HMGCLL1: variants seen among roughly 807,000 people sequenced by gnomAD.
HMGCLL1 encodes 3-hydroxymethyl-3-methylglutaryl-CoA lyase, cytoplasmic.
A neutral mutation model predicts 39.1 loss-of-function variants in HMGCLL1; 36 were observed. The observed-to-expected ratio is 0.92, with a 90% CI of 0.71 to 1.22. The LOEUF (loss-of-function observed/expected upper bound fraction) is 1.22, where lower values mean the gene tolerates loss of function less well. Among genes scored for constraint, HMGCLL1 ranks in the 50% most tolerant of loss-of-function variants. The pLI is 0.00. For synonymous variants in HMGCLL1, 149 were observed against 144.0 expected, an observed-to-expected ratio of 1.03 and a Z score of -0.25; for missense variants, 451 against 416.5, an observed-to-expected ratio of 1.08 and a Z score of -0.72.
At chr6:55,542,765 C>T (rs554766461) in intron 1 of HMGCLL1, among the ~76,000 whole-genome samples, 7 of 143,642 alleles carry the variant, frequency 4.9e-5, no homozygotes, top group Admixed American at 7.3e-5. Context: ...GGTGACAGTG[C>T]GGAATTCCAT....
the HMGCLL1 span, among the ~76,000 whole-genome samples, chr6:55,655,882 C>T: frequency 6.6e-6 from 1 of 151,900 alleles, no homozygotes; most frequent in Non-Finnish European, 1.5e-5. Context: ...TTATCCCCTC[C>T]TAATTTAATT....
At chr6:55,482,694 C>T (rs1185763688) in intron 7 of HMGCLL1, among the ~76,000 whole-genome samples, 1 of 151,868 alleles carries the variant, frequency 6.6e-6, no homozygotes, top group Non-Finnish European at 1.5e-5. Context: ...GAAATGTGAG[C>T]TTTATTTAGT....
At chr6:55,604,948 G>C in the HMGCLL1 span, among the ~76,000 whole-genome samples, 509 of 152,334 alleles carry the variant, frequency 3.3e-3, 5 homozygotes, top group Admixed American at 8.8e-3. Flanking sequence ...ATTAGCTGAA[G>C]ATGATATAAG....
chr6:55,538,297 A>G (rs1769144138), intron 3 of HMGCLL1, among the ~76,000 whole-genome samples: 1 of 152,198 alleles, frequency 6.6e-6, no homozygotes, highest in Admixed American at 6.5e-5. Flanking sequence ...GTCAATATTC[A>G]TCAAATAATA....
the HMGCLL1 span, among the ~76,000 whole-genome samples, chr6:55,635,065 A>G: frequency 3.9e-5 from 6 of 152,160 alleles, no homozygotes; most frequent in East Asian, 1.2e-3. Context: ...TAGACAAAAC[A>G]CTTAGAACTA....
chr6:55,452,368 C>T (rs368011055), intron 7 of HMGCLL1, among the ~76,000 whole-genome samples: 19 of 152,256 alleles, frequency 1.2e-4, no homozygotes, highest in African/African-American at 4.1e-4. Flanking sequence ...AGATGTACAG[C>T]AAATGAACTG....
At chr6:55,485,496 T>C (rs1765977942) in intron 7 of HMGCLL1, among the ~76,000 whole-genome samples, 1 of 151,926 alleles carries the variant, frequency 6.6e-6, no homozygotes, top group Non-Finnish European at 1.5e-5. Flanking sequence ...TACATATGCA[T>C]TAAAACACAA....
intron 7 of HMGCLL1, among the ~76,000 whole-genome samples, chr6:55,461,463 G>A (rs999796762): frequency 6.6e-6 from 1 of 151,970 alleles, no homozygotes; most frequent in East Asian, 1.9e-4. Flanking sequence ...GGGGGAGGCT[G>A]CTATCAAATA....
intron 5 of HMGCLL1, 86 bp from the exon 6 acceptor site, chr6:55,499,385 C>A: frequency 2.0e-6 from 2 of 1,008,556 alleles, no homozygotes; most frequent in Non-Finnish European, 1.4e-6. Context: ...GCTGAAACTG[C>A]ATCAAGAAAA....
intron 1 of HMGCLL1, among the ~76,000 whole-genome samples, chr6:55,574,283 T>C (rs1771658634): frequency 6.6e-6 from 1 of 151,710 alleles, no homozygotes; most frequent in South Asian, 2.1e-4. Flanking sequence ...AAGAAAGGAA[T>C]AAAAAGAGAA....
the HMGCLL1 span, among the ~76,000 whole-genome samples, chr6:55,600,671 AT>A: frequency 2.0e-5 from 3 of 152,146 alleles, no homozygotes; most frequent in Non-Finnish European, 4.4e-5. Flanking sequence ...GAATAAAAAA[AT>A]TAACATAAAA....
the HMGCLL1 span, among the ~76,000 whole-genome samples, chr6:55,590,464 G>A: frequency 6.6e-6 from 1 of 151,964 alleles, no homozygotes; most frequent in African/African-American, 2.4e-5. Flanking sequence ...GAAAACCTAG[G>A]CAATACCATT....
intron 7 of HMGCLL1, among the ~76,000 whole-genome samples, chr6:55,467,676 T>C (rs9296782): frequency 0.014 from 2,108 of 152,150 alleles, 45 homozygotes; most frequent in African/African-American, 0.048. Context: ...AAATTACTCA[T>C]TGGGATATAA....
At chr6:55,585,042 T>C in the HMGCLL1 span, among the ~76,000 whole-genome samples, 1 of 152,056 alleles carries the variant, frequency 6.6e-6, no homozygotes, top group African/African-American at 2.4e-5. Flanking sequence ...CTGATCTAAA[T>C]TGATCAGAAG....
chr6:55,514,276 C>A, intron 4 of HMGCLL1, 80 bp from the exon 5 acceptor site: 1 of 1,035,588 alleles, frequency 9.7e-7, no homozygotes, highest in South Asian at 1.6e-5. Flanking sequence ...ATTAACTACT[C>A]TATGAAGGCA....
chr6:55,595,932 T>C, the HMGCLL1 span, among the ~76,000 whole-genome samples: 1 of 152,210 alleles, frequency 6.6e-6, no homozygotes, highest in Non-Finnish European at 1.5e-5. Flanking sequence ...TTTTGGAGCC[T>C]TTGTGAATGA....
chr6:55,668,121 G>C, the HMGCLL1 span, among the ~76,000 whole-genome samples: 1 of 151,880 alleles, frequency 6.6e-6, no homozygotes, highest in African/African-American at 2.4e-5. Context: ...TTAGATGTGA[G>C]TGACTTGAGC....
chr6:55,584,848 A>G, the HMGCLL1 span, among the ~76,000 whole-genome samples: 1 of 152,062 alleles, frequency 6.6e-6, no homozygotes, highest in African/African-American at 2.4e-5. Flanking sequence ...ATCTCAAACA[A>G]TGATTCCATA....
At chr6:55,441,292 C>A (rs1271143266) in intron 7 of HMGCLL1, among the ~76,000 whole-genome samples, 1 of 152,016 alleles carries the variant, frequency 6.6e-6, no homozygotes, top group African/African-American at 2.4e-5. Context: ...GAGGAGAGAC[C>A]TAATCAGATC....
Sources: allele counts gnomAD v4.1 joint callset (sites outside exome capture counted in the v4.1 genomes callset), GRCh38; gene constraint gnomAD v4.1.1; transcripts MANE v1.5; gene names NCBI Gene and HGNC (gene_info 2026-07-23, HGNC 2026-07-21).